Variants in HERC6 observed in about 807,000 individuals in gnomAD.
HERC6 encodes the protein HECT and RLD domain containing E3 ubiquitin protein ligase family member 6, also known as probable E3 ubiquitin-protein ligase HERC6.
HERC6 carries 101 observed loss-of-function variants against 114.5 expected under a neutral mutation model. The ratio of observed to expected loss-of-function variants is 0.88; its 90% CI spans 0.75 to 1.04. The LOEUF is 1.04. Ranked by LOEUF, HERC6 falls within the 50% of genes least tolerant of loss-of-function variation. The probability of loss-of-function intolerance (pLI) is 0.00; values close to 1 mark genes in which losing one functional copy is unlikely to be tolerated. For synonymous variants in HERC6, 408 were observed against 436.2 expected (o/e 0.94, Z 0.81); for missense variants, 1,133 against 1,230.9 (o/e 0.92, Z 1.19).
rs865794687 is a variant in HERC6 at position 88,410,505 on chromosome 4, A to G, written c.1368+1888A>G. 7.2e-5 allele frequency among the ~76,000 whole-genome samples: 11 copies of G among 152,250 alleles called. No individual in the cohort carries two copies. In the South Asian group the frequency reaches 1.2e-3, roughly 17 times the overall value. The stretch of plus-strand genomic sequence containing the variant: ...GAAGATTTATTTTCCTTTCACAGCA[A>G]AAAGGGCAAGAAATCTCTCTGGGGT... On this transcript the variant is annotated intron_variant, in intron 11 of 22. Coordinates refer to ENST00000264346, the MANE Select transcript of HERC6 (RefSeq NM_017912.4).
At chr4:88,380,795 G>A (rs745547190) in intron 1 of HERC6, among the ~76,000 whole-genome samples, 6 of 151,528 alleles carry the variant, frequency 4.0e-5, no homozygotes, top group Non-Finnish European at 8.8e-5. Flanking sequence ...GTAGAAATAC[G>A]AGAAAGCAAT....
At chr4:88,416,348 G>T (rs1265708445) in intron 12 of HERC6, among the ~76,000 whole-genome samples, 3 of 152,082 alleles carry the variant, frequency 2.0e-5, no homozygotes, top group African/African-American at 4.8e-5. Flanking sequence ...CCTATTGGTT[G>T]TTAGTATTTT....
chr4:88,440,291 T>C lies in HERC6; in HGVS notation c.2842+41T>C, dbSNP rs748687227. 1.1e-5 allele frequency: 12 copies of C among 1,114,830 alleles called. No individual in the cohort carries two copies. In the Admixed American group the frequency reaches 1.9e-4, roughly 18 times the overall value. 69.1% of individuals were successfully genotyped at this position (1,114,830 alleles called of 1,614,324 possible). On this transcript the variant is annotated intron_variant, in intron 22 of 22. Coordinates refer to ENST00000264346, the MANE Select transcript of HERC6 (RefSeq NM_017912.4). The stretch of plus-strand genomic sequence containing the variant: ...CTAGATGGACACATAATTATGTATC[T>C]TTTAAAAAGGTACAGTCTTGTTTAG...
intron 10 of HERC6, among the ~76,000 whole-genome samples, 169 bp downstream of exon 10, chr4:88,405,782 A>G (rs561881229): frequency 6.6e-6 from 1 of 152,300 alleles, no homozygotes; most frequent in African/African-American, 2.4e-5. Flanking sequence ...GTAATTTTCT[A>G]TTAGACTACC....
chr4:88,391,926 T>C (rs1227266657), intron 4 of HERC6, among the ~76,000 whole-genome samples: 1 of 151,308 alleles, frequency 6.6e-6, no homozygotes, highest in Non-Finnish European at 1.5e-5. Context: ...TTTCCTTTCC[T>C]TTCCTTTTCC....
Position 88,390,306 on chromosome 4 carries a change from A to T in HERC6, c.437-346A>T, listed in dbSNP as rs188618310. 3.0e-4 allele frequency among the ~76,000 whole-genome samples: 45 copies of T among 152,214 alleles called. No individual in the cohort carries two copies. The East Asian group carries it at 7.7e-3, about 26-fold the overall frequency. On this transcript the variant is annotated intron_variant, in intron 3 of 22. Coordinates refer to ENST00000264346, the MANE Select transcript of HERC6 (RefSeq NM_017912.4). ...GGTCAAAGGGTATAAACTTTCAGTT[A>T]TAAGGTGAGTAATTTCTAATGTACA...
chr4:88,439,974 GAGATACT>G lies in HERC6; in HGVS notation c.2657_2663del (p.Glu886ValfsTer9). The G allele has an allele frequency of 6.2e-7, 1 of 1,612,144 alleles. No individual in the cohort carries two copies. ...AGGATTTTATAGAGTCTGTGAGAAG[GAGATACT>G]TAGACATTTCTACCCTGAAGAACTA... is the stretch of plus-strand genomic sequence containing the variant. On this transcript the variant is annotated frameshift_variant, in exon 21 of 23. Coordinates refer to ENST00000264346, the MANE Select transcript of HERC6 (RefSeq NM_017912.4). LOFTEE classifies it high-confidence loss of function.
chr4:88,426,028 A>G (rs1737568364), intron 15 of HERC6, among the ~76,000 whole-genome samples: 1 of 152,174 alleles, frequency 6.6e-6, no homozygotes, highest in Non-Finnish European at 1.5e-5. Context: ...CCCGCTAATT[A>G]CATGGCTTAC....
At chr4:88,397,921 C>T (rs1735330726) in intron 7 of HERC6, among the ~76,000 whole-genome samples, 1 of 151,982 alleles carries the variant, frequency 6.6e-6, no homozygotes, top group Non-Finnish European at 1.5e-5. Context: ...AAATTTTAGA[C>T]TAAGTGAATA....
In HERC6 at chr4:88,380,664, C is replaced by T. The variant is rs571762770; in HGVS notation, c.199+1544C>T. Among the ~76,000 whole-genome samples, 19 of 149,390 alleles carry T rather than the reference C, an allele frequency of 1.3e-4. No homozygotes were observed. The East Asian group carries it at 3.1e-3, about 25-fold the overall frequency. ...CCCGGGAGGCAGAGGTTGCAGTGAGCCGAAATCGCGACACTGCACTCCAGC... is the reference window on the plus strand; with the variant it reads ...CCCGGGAGGCAGAGGTTGCAGTGAGTCGAAATCGCGACACTGCACTCCAGC... On this transcript the variant is annotated intron_variant, in intron 1 of 22. Coordinates refer to ENST00000264346, the MANE Select transcript of HERC6 (RefSeq NM_017912.4).
At chr4:88,384,502 TA>T (rs1452212514) in intron 2 of HERC6, among the ~76,000 whole-genome samples, 1 of 152,228 alleles carries the variant, frequency 6.6e-6, no homozygotes, top group East Asian at 1.9e-4. Flanking sequence ...GGCTCTGGAT[TA>T]TGTGTTTATG....
intron 13 of HERC6, among the ~76,000 whole-genome samples, chr4:88,420,601 G>A (rs1359421861): frequency 6.6e-6 from 1 of 152,076 alleles, no homozygotes; most frequent in Non-Finnish European, 1.5e-5. Flanking sequence ...GATATTTTAT[G>A]TGGTTATATA....
At chr4:88,379,693 TA>T (rs1734071755) in intron 1 of HERC6, among the ~76,000 whole-genome samples, 1 of 107,692 alleles carries the variant, frequency 9.3e-6, no homozygotes, top group African/African-American at 3.8e-5. Flanking sequence ...TACAAATATA[TA>T]ATATATAAAT....
chr4:88,417,289 A>T (rs918874052), intron 12 of HERC6, 136 bp from the exon 13 acceptor site: 32 of 880,792 alleles, frequency 3.6e-5, no homozygotes, highest in Non-Finnish European at 4.7e-5. Context: ...GGATATACTT[A>T]AAAAAGATAT....
intron 11 of HERC6, 145 bp downstream of exon 11, chr4:88,408,762 A>T: frequency 3.1e-6 from 2 of 644,952 alleles, no homozygotes; most frequent in East Asian, 5.5e-5. Context: ...ACCCACTGAG[A>T]CTATGACATT....
chr4:88,418,302 T>C (rs576886448), intron 13 of HERC6, among the ~76,000 whole-genome samples: 1 of 152,036 alleles, frequency 6.6e-6, no homozygotes, highest in African/African-American at 2.4e-5. Flanking sequence ...ATGTATGTTG[T>C]AAGAAAAAAA....
At chr4:88,412,935 C>T in intron 11 of HERC6, 142 bp from the exon 12 acceptor site, 2 of 634,910 alleles carry the variant, frequency 3.2e-6, no homozygotes, top group Non-Finnish European at 5.5e-6. Flanking sequence ...GATGGAGTCT[C>T]ATCAATAGGT....
intron 16 of HERC6, 33 bp from the exon 17 acceptor site, chr4:88,431,129 G>A: frequency 1.3e-6 from 2 of 1,579,560 alleles, no homozygotes; most frequent in Middle Eastern, 1.7e-4. Flanking sequence ...TGTATTTTAA[G>A]TCAGGATCTG....
chr4:88,382,147 A>G (rs1300727375), intron 1 of HERC6, among the ~76,000 whole-genome samples: 1 of 152,176 alleles, frequency 6.6e-6, no homozygotes, highest in African/African-American at 2.4e-5. Flanking sequence ...TTGACAGTAA[A>G]TAGTTGAAAA....
Sources: gnomAD v4.1 joint callset for allele counts (sites outside exome capture counted in the v4.1 genomes callset) on GRCh38, gnomAD v4.1.1 for gene constraint, MANE v1.5 for transcripts, NCBI Gene and HGNC (gene_info 2026-07-23, HGNC 2026-07-21) for gene names.